Variants in GIPC2 observed in about 807,000 individuals in gnomAD.
The protein encoded by GIPC2 is PDZ domain-containing protein GIPC2.
Under a neutral mutation model 30.6 loss-of-function variants are expected in GIPC2, and 30 were observed. The observed-to-expected ratio is 0.98, with a 90% CI of 0.73 to 1.33. The LOEUF (loss-of-function observed/expected upper bound fraction) is 1.33. Among genes scored for constraint, GIPC2 ranks in the 40% most tolerant of loss-of-function variants. The pLI, the probability that GIPC2 is intolerant of heterozygous loss-of-function variation, is 0.00. For missense variants in GIPC2, 414 were observed against 390.3 expected (o/e 1.06, Z -0.51); for synonymous variants, 167 against 150.0 (o/e 1.11, Z -0.83).
At chr1:78,095,178 C>T in intron 3 of GIPC2, 46 bp downstream of exon 3, 18 of 1,336,952 alleles carry the variant, frequency 1.3e-5, no homozygotes, top group Non-Finnish European at 1.9e-5. Flanking sequence ...TTTGCTTTCC[C>T]TGGTTTATCT....
chr1:78,081,966 A>G (rs924309510), intron 2 of GIPC2, among the ~76,000 whole-genome samples: 2 of 152,170 alleles, frequency 1.3e-5, no homozygotes, highest in African/African-American at 2.4e-5. Flanking sequence ...TGCCACTCAG[A>G]AGGCTCATTT....
At chr1:78,094,351 T>C (rs756197346) in intron 2 of GIPC2, among the ~76,000 whole-genome samples, 1 of 152,238 alleles carries the variant, frequency 6.6e-6, no homozygotes, top group African/African-American at 2.4e-5. Flanking sequence ...TCAAGGATAT[T>C]AGTTTAGTAA....
At chr1:78,079,026 A>G (rs1661774786) in intron 1 of GIPC2, among the ~76,000 whole-genome samples, 1 of 152,180 alleles carries the variant, frequency 6.6e-6, no homozygotes, top group Non-Finnish European at 1.5e-5. Flanking sequence ...TAGGATCAGA[A>G]ATATGCACCA....
In GIPC2 at chr1:78,136,146, A is replaced by G. The variant is rs1662999620; in HGVS notation, c.*403A>G. 1 of 159,630 alleles carries G rather than the reference A, an allele frequency of 6.3e-6. No homozygotes were observed. Among genetic ancestry groups the G allele is most frequent in the African/African-American group, 2.4e-5 (1 of 41,440 alleles). The allele number at this position is 159,630 out of a possible 1,614,324, so 9.9% of individuals were successfully genotyped here. On this transcript the variant is annotated 3_prime_UTR_variant, in exon 6 of 6. Transcript: ENST00000370759. ...CTAGGATTGGAGTATGATTTACCTC[A>G]TAGTATCTTCACTGTGTTATCCTAG... is the stretch of plus-strand genomic sequence containing the variant.
At chr1:78,069,739 G>T (rs1661583471) in intron 1 of GIPC2, among the ~76,000 whole-genome samples, 1 of 152,080 alleles carries the variant, frequency 6.6e-6, no homozygotes, top group South Asian at 2.1e-4. Context: ...CTCCCAAAAT[G>T]CTGGGATTAC....
chr1:78,073,061 G>C (rs373628641), intron 1 of GIPC2, among the ~76,000 whole-genome samples: 2 of 148,088 alleles, frequency 1.4e-5, no homozygotes, highest in Non-Finnish European at 3.0e-5. Flanking sequence ...CGCCTGCCTC[G>C]GCCTCCCAAA....
intron 3 of GIPC2, among the ~76,000 whole-genome samples, chr1:78,101,211 C>T (rs1214998540): frequency 6.6e-6 from 1 of 152,072 alleles, no homozygotes; most frequent in Non-Finnish European, 1.5e-5. Context: ...TTCTGGGTAG[C>T]CTTTATCCAA....
chr1:78,100,383 T>C (rs1662219469), intron 3 of GIPC2, among the ~76,000 whole-genome samples: 1 of 152,162 alleles, frequency 6.6e-6, no homozygotes, highest in African/African-American at 2.4e-5. Context: ...AGAGAGCTGA[T>C]TGTTAAATGT....
chr1:78,078,856 AC>A (rs1249421571), intron 1 of GIPC2, among the ~76,000 whole-genome samples: 39 of 149,180 alleles, frequency 2.6e-4, no homozygotes, highest in African/African-American at 8.6e-4. Flanking sequence ...AAAAAAAAAA[AC>A]AACAAACCAA....
intron 4 of GIPC2, among the ~76,000 whole-genome samples, 179 bp downstream of exon 4, chr1:78,119,678 A>G (rs1225293162): frequency 1.3e-5 from 2 of 152,202 alleles, no homozygotes; most frequent in Non-Finnish European, 2.9e-5. Flanking sequence ...ATTGTGATCT[A>G]TAGAAATTCT....
At chr1:78,050,077 G>C (rs1404678642) in intron 1 of GIPC2, among the ~76,000 whole-genome samples, 1 of 151,604 alleles carries the variant, frequency 6.6e-6, no homozygotes, top group Non-Finnish European at 1.5e-5. Flanking sequence ...TTGTGTTTTT[G>C]TAGAGATGGG....
In GIPC2 at chr1:78,065,861, G is replaced by C. The variant is rs1440486239; in HGVS notation, c.241-14814G>C. Among the ~76,000 whole-genome samples, 3 of 152,060 alleles carry C rather than the reference G, an allele frequency of 2.0e-5. No homozygotes were observed. In the East Asian group the frequency reaches 5.8e-4, roughly 29 times the overall value. ...AGCCATATGCAGAAGATTAAAGCTG[G>C]ACCTTTTCCTTACACCATATACAAA... On this transcript the variant is annotated intron_variant, in intron 1 of 5. Coordinates refer to ENST00000370759, the MANE Select transcript of GIPC2 (RefSeq NM_017655.6).
chr1:78,050,161 G>A (rs1661169737), intron 1 of GIPC2, among the ~76,000 whole-genome samples: 1 of 151,710 alleles, frequency 6.6e-6, no homozygotes, highest in African/African-American at 2.4e-5. Context: ...CTCCCAAAGT[G>A]AGCTGGGATT....
chr1:78,119,419 A>AAGTC lies in GIPC2; in HGVS notation c.636_639dup (p.Ser214ValfsTer29). 6.2e-7 allele frequency: 1 copy of AAGTC among 1,610,712 alleles called. No homozygotes were observed. ...AATAGAGCTGAGGTCAAAGGCTGGAAAGTCATCAGGAGAAAAAATTGGTTG... is the reference window on the plus strand; with the variant it reads ...AATAGAGCTGAGGTCAAAGGCTGGAAAGTCAGTCATCAGGAGAAAAAATTGGTTG... On this transcript the variant is annotated frameshift_variant, in exon 4 of 6. Transcript: ENST00000370759. LOFTEE classifies it high-confidence loss of function.
chr1:78,080,549 ATTTTATGATGTAACTC>A, intron 1 of GIPC2, 110 bp from the exon 2 acceptor site: 1 of 575,420 alleles, frequency 1.7e-6, no homozygotes, highest in Non-Finnish European at 3.0e-6. Context: ...ATAAAAACAC[ATTTTATGATGTAACTC>A]TTTACATCAT....
intron 2 of GIPC2, chr1:78,091,836 C>T (rs1013932326): frequency 1.0e-5 from 8 of 777,586 alleles, no homozygotes; most frequent in East Asian, 7.3e-5. Context: ...AGAAGGATGT[C>T]TCGGAAGGAG....
intron 1 of GIPC2, among the ~76,000 whole-genome samples, chr1:78,062,705 G>T (rs565514016): frequency 9.3e-5 from 14 of 151,326 alleles, no homozygotes; most frequent in Non-Finnish European, 2.1e-4. Flanking sequence ...GTAGAGATGG[G>T]GTTTCATCAT....
chr1:78,068,580 A>G (rs1027415887), intron 1 of GIPC2, among the ~76,000 whole-genome samples: 1 of 152,244 alleles, frequency 6.6e-6, no homozygotes, highest in African/African-American at 2.4e-5. Context: ...AGTGAAAGAG[A>G]TAGTATCTAT....
rs1420802361 is a variant in GIPC2, at chr1:78,071,046, A to G, written c.241-9629A>G. Among the ~76,000 whole-genome samples the G allele has an allele frequency of 2.6e-5, 4 of 152,146 alleles. No homozygotes were observed. In the East Asian group the frequency reaches 7.7e-4, roughly 29 times the overall value. ...TTTCTAAATATCTGTCTTGTCGCCA[A>G]TTTTATGTCTTTTCCAGCCTGTGAA... On this transcript the variant is annotated intron_variant, in intron 1 of 5. Transcript: ENST00000370759.
Sources: allele counts gnomAD v4.1 joint callset (sites outside exome capture counted in the v4.1 genomes callset), GRCh38; gene constraint gnomAD v4.1.1; transcripts MANE v1.5; gene names NCBI Gene and HGNC (gene_info 2026-07-23, HGNC 2026-07-21).